Variants in OSBP2 observed in about 807,000 individuals in gnomAD.
The protein encoded by OSBP2 is oxysterol-binding protein 2.
Under a neutral mutation model 96.0 loss-of-function variants are expected in OSBP2, and 66 were observed. That is an observed-to-expected ratio of 0.69 (90% CI 0.56 to 0.84). The LOEUF (loss-of-function observed/expected upper bound fraction) is 0.84, where lower values mean the gene tolerates loss of function less well. OSBP2 is among the 40% of genes least tolerant of loss of function. The probability of loss-of-function intolerance (pLI) is 0.00; values close to 1 mark genes in which losing one functional copy is unlikely to be tolerated. For synonymous variants in OSBP2, 525 were observed against 520.9 expected, an observed-to-expected ratio of 1.01 and a Z score of -0.11; for missense variants, 1,038 against 1,222.7, an observed-to-expected ratio of 0.85 and a Z score of 2.25.
chr22:30,703,940 C>T (rs13053993), intron 1 of OSBP2, among the ~76,000 whole-genome samples: 58,710 of 152,018 alleles, frequency 0.39, 11,436 homozygotes, highest in Admixed American at 0.44. Flanking sequence ...GTCAGAGTGA[C>T]TTCCAGTTTA....
rs1366991193 is a variant in OSBP2 at position 30,881,404 on chromosome 22, A to G, written c.1108-6022A>G. On this transcript the variant is annotated intron_variant, in intron 3 of 13. Coordinates refer to ENST00000332585, the MANE Select transcript of OSBP2 (RefSeq NM_030758.4). The surrounding 1 kb of genome is among the most constrained non-coding windows in gnomAD (Gnocchi z 4.5). ...CCAGGTACCACCTCCAGCTCCCACT[A>G]GGACCCCTCACTCTCTTCCCCTTAA... Among the ~76,000 whole-genome samples the G allele has an allele frequency of 6.6e-6, 1 of 152,166 alleles. No homozygotes were observed. Among genetic ancestry groups the G allele is most frequent in the Non-Finnish European group, 1.5e-5 (1 of 68,006 alleles).
rs1230588442 is a variant in OSBP2, at chr22:30,871,413, C to T, written c.1107+731C>T. 6.6e-6 allele frequency among the ~76,000 whole-genome samples: 1 copy of T among 152,106 alleles called. No homozygotes were observed. Among genetic ancestry groups the T allele is most frequent in the East Asian group, 1.9e-4 (1 of 5,178 alleles). On this transcript the variant is annotated intron_variant, in intron 3 of 13. Coordinates refer to ENST00000332585, the MANE Select transcript of OSBP2 (RefSeq NM_030758.4). This position sits in a 1 kb window ranked among gnomAD's most constrained non-coding sequence, Gnocchi z 4.7. ...GTGTGCGTGCTCCTCCAGGCCTCCA[C>T]CCTCCAGACACAGGTCTGACTGCAA...
In OSBP2 at chr22:30,695,487, C is replaced by T. The variant is rs2089011398; in HGVS notation, c.578C>T (p.Thr193Ile). Residue 193 changes from threonine to isoleucine, a missense_variant, in exon 1 of 14, where the codon ACC becomes ATC. Transcript: ENST00000332585. ...DSFEGWLLKW[T>I]NYLKGYQRRW... ...TTCGAGGGCTGGCTTCTCAAGTGGA[C>T]CAACTATCTGAAGGGCTACCAGCGC... The T allele has an allele frequency of 6.2e-7, 1 of 1,613,160 alleles. No individual in the cohort carries two copies. Among genetic ancestry groups the T allele is most frequent in the African/African-American group, 1.3e-5 (1 of 74,942 alleles).
At chr22:30,811,169 C>CA (rs1180473193) in intron 2 of OSBP2, among the ~76,000 whole-genome samples, 1 of 147,474 alleles carries the variant, frequency 6.8e-6, no homozygotes, top group South Asian at 2.3e-4. Context: ...ACACAACCCC[C>CA]CCCCCACACA....
chr22:30,698,952 T>A (rs2089108758), intron 1 of OSBP2, among the ~76,000 whole-genome samples: 1 of 133,290 alleles, frequency 7.5e-6, no homozygotes, highest in Non-Finnish European at 1.8e-5. Flanking sequence ...GCAATTTTTG[T>A]TTTTTTTGAG....
At chr22:30,738,435 G>T (rs1015958707) in intron 1 of OSBP2, among the ~76,000 whole-genome samples, 2 of 151,958 alleles carry the variant, frequency 1.3e-5, no homozygotes, top group East Asian at 3.9e-4. Flanking sequence ...ACTGTCCTTC[G>T]AACAAAAGAT....
intron 2 of OSBP2, among the ~76,000 whole-genome samples, chr22:30,781,769 T>A (rs1159204485): frequency 1.3e-5 from 2 of 152,180 alleles, no homozygotes; most frequent in Admixed American, 6.5e-5. Context: ...AGGCTTGCAG[T>A]GATTGTCCCA....
rs1024457176 is a variant in OSBP2 at position 30,890,465 on chromosome 22, G to A, written c.1624-263G>A. On this transcript the variant is annotated intron_variant, in intron 7 of 13. Coordinates refer to ENST00000332585, the MANE Select transcript of OSBP2 (RefSeq NM_030758.4). The surrounding 1 kb of genome is among the most constrained non-coding windows in gnomAD (Gnocchi z 4.4). ...CCCTGGCCTTGGTGGGTGTCCATCC[G>A]AGCAGAGGAGAGCAACAGTGAACAT... 6.6e-6 allele frequency among the ~76,000 whole-genome samples: 1 copy of A among 152,224 alleles called. No homozygotes were observed. Among genetic ancestry groups the A allele is most frequent in the African/African-American group, 2.4e-5 (1 of 41,452 alleles).
chr22:30,843,452 C>CA (rs5844926), intron 2 of OSBP2, among the ~76,000 whole-genome samples: 3 of 83,810 alleles, frequency 3.6e-5, no homozygotes, highest in South Asian at 3.3e-4. Flanking sequence ...TTTCCCCCCT[C>CA]CCCCTTGAGC....
Position 30,890,149 on chromosome 22 carries a change from A to C in OSBP2, c.1623+513A>C, listed in dbSNP as rs2039912456. ...CTTCACATCTCCAGCCTCTGTGTCCACATGTGTAGGGTGGGGAGAAACACA... is the reference window on the plus strand; with the variant it reads ...CTTCACATCTCCAGCCTCTGTGTCCCCATGTGTAGGGTGGGGAGAAACACA... On this transcript the variant is annotated intron_variant, in intron 7 of 13. Transcript: ENST00000332585. This position sits in a 1 kb window ranked among gnomAD's most constrained non-coding sequence, Gnocchi z 4.4. Among the ~76,000 whole-genome samples, 1 of 152,176 alleles carries C rather than the reference A, an allele frequency of 6.6e-6. No homozygotes were observed. Among genetic ancestry groups the C allele is most frequent in the Non-Finnish European group, 1.5e-5 (1 of 68,020 alleles).
Position 30,856,629 on chromosome 22 carries a change from C to T in OSBP2, c.854-13800C>T, listed in dbSNP as rs192804599. On this transcript the variant is annotated intron_variant, in intron 2 of 13. Transcript: ENST00000332585. ...CTCGAACTCCTGACCTCAAGTGATC[C>T]GCCTGCCGTGGCCTCCCAAAGTGCT... 2.6e-3 allele frequency among the ~76,000 whole-genome samples: 397 copies of T among 151,918 alleles called. 4 individuals are homozygous for T. The highest frequency in any genetic ancestry group is 8.9e-3 in the African/African-American group (370 of 41,458).
At chr22:30,760,294 T>C (rs2090191312) in intron 2 of OSBP2, among the ~76,000 whole-genome samples, 1 of 151,784 alleles carries the variant, frequency 6.6e-6, no homozygotes, top group African/African-American at 2.4e-5. Flanking sequence ...AATTTCTAAC[T>C]CATTTATAAG....
intron 1 of OSBP2, among the ~76,000 whole-genome samples, chr22:30,733,325 G>A (rs998339322): frequency 2.0e-5 from 3 of 152,236 alleles, no homozygotes; most frequent in Admixed American, 6.5e-5. Flanking sequence ...AAGGCTCACA[G>A]AGGCCACTCA....
intron 1 of OSBP2, among the ~76,000 whole-genome samples, chr22:30,729,424 G>T (rs111545096): frequency 2.6e-5 from 4 of 152,112 alleles, no homozygotes; most frequent in African/African-American, 9.7e-5. Context: ...GATCACCTGG[G>T]GTCAGGAGCT....
chr22:30,826,087 G>T (rs1432529079), intron 2 of OSBP2, among the ~76,000 whole-genome samples: 1 of 152,148 alleles, frequency 6.6e-6, no homozygotes, highest in Admixed American at 6.6e-5. Flanking sequence ...TGTTCTGAGG[G>T]GTTATTGTTT....
intron 2 of OSBP2, among the ~76,000 whole-genome samples, chr22:30,771,491 A>T (rs973617962): frequency 6.6e-6 from 1 of 152,144 alleles, no homozygotes; most frequent in Non-Finnish European, 1.5e-5. Flanking sequence ...CTGCCCATGT[A>T]TGGCACACCT....
chr22:30,741,781 T>G (rs1293345756), intron 2 of OSBP2, among the ~76,000 whole-genome samples: 1 of 152,140 alleles, frequency 6.6e-6, no homozygotes, highest in Non-Finnish European at 1.5e-5. Context: ...GGAAGCCCGC[T>G]CAGATGTCCT....
chr22:30,891,232 G>A (rs1217401351), intron 8 of OSBP2, among the ~76,000 whole-genome samples: 2 of 152,196 alleles, frequency 1.3e-5, no homozygotes, highest in African/African-American at 2.4e-5. Flanking sequence ...GGGAGCGGGA[G>A]GATAAGCTCC....
intron 2 of OSBP2, among the ~76,000 whole-genome samples, chr22:30,791,395 C>T (rs1191265308): frequency 7.5e-6 from 1 of 133,198 alleles, no homozygotes; most frequent in African/African-American, 2.9e-5. Context: ...TGTGTGATCT[C>T]GGCTCACTGC....
Sources: allele counts gnomAD v4.1 joint callset (sites outside exome capture counted in the v4.1 genomes callset), GRCh38; gene constraint gnomAD v4.1.1; non-coding constraint Gnocchi (gnomAD v3.1); transcripts MANE v1.5; gene names NCBI Gene and HGNC (gene_info 2026-07-23, HGNC 2026-07-21).